Variants in FAM227A observed in about 807,000 individuals in gnomAD.
The protein encoded by FAM227A is family with sequence similarity 227 member A.
A neutral mutation model predicts 74.7 loss-of-function variants in FAM227A; 80 were observed. The ratio of observed to expected loss-of-function variants is 1.07; its 90% confidence interval spans 0.89 to 1.29. The LOEUF (loss-of-function observed/expected upper bound fraction) is 1.29. FAM227A is among the 50% of genes most tolerant of loss of function. The pLI is 0.00. For missense variants in FAM227A, 654 were observed against 683.4 expected, an observed-to-expected ratio of 0.96 and a Z score of 0.48; for synonymous variants, 237 against 241.8, an observed-to-expected ratio of 0.98 and a Z score of 0.19.
At chr22:38,641,979 A>G (rs2179143) in intron 3 of FAM227A, among the ~76,000 whole-genome samples, 61,105 of 143,334 alleles carry the variant, frequency 0.43, 12,647 homozygotes, top group African/African-American at 0.55. Flanking sequence ...GTGTGTGCGC[A>G]CGTGTGTGTG....
chr22:38,645,630 G>A lies in FAM227A; in HGVS notation c.158C>T (p.Ser53Phe), dbSNP rs1166573203. 17 of 1,550,858 alleles carry A rather than the reference G, an allele frequency of 1.1e-5. No homozygotes were observed. The highest frequency in any genetic ancestry group is 9.8e-5 in the Admixed American group (5 of 50,878). Residue 53 changes from serine (S) to phenylalanine (F), a missense_variant, in exon 3 of 17, where the codon TCC becomes TTC. By Grantham distance (155) the Ser-to-Phe change is radical (BLOSUM62 -2). Transcript: ENST00000535113. ...ENNPPSCLIG[S>F]MHQVNQKIAD... ...AATCTTTTGGTTCACCTGGTGCATG[G>A]AGCCAATAAGGCATGCTGGGAGGTT...
At chr22:38,629,291 G>A (rs2091870828) in intron 6 of FAM227A, among the ~76,000 whole-genome samples, 1 of 152,176 alleles carries the variant, frequency 6.6e-6, no homozygotes, top group Non-Finnish European at 1.5e-5. Context: ...ATAAACCACT[G>A]AACTATAAGA....
At chr22:38,645,513 G>A (rs1002700245) in intron 3 of FAM227A, 50 bp downstream of exon 3, 8 of 1,266,560 alleles carry the variant, frequency 6.3e-6, no homozygotes, top group Admixed American at 4.0e-5. Context: ...TGATCCCCGG[G>A]GCCCTTCCCT....
At chr22:38,625,304 G>C (rs759158232) in intron 9 of FAM227A, among the ~76,000 whole-genome samples, 51 of 151,444 alleles carry the variant, frequency 3.4e-4, no homozygotes, top group Admixed American at 2.1e-3. Context: ...CAGGAGAATG[G>C]CAAGAACCCG....
chr22:38,601,227 GGA>G (rs899706878), intron 13 of FAM227A, among the ~76,000 whole-genome samples: 35 of 152,222 alleles, frequency 2.3e-4, no homozygotes, highest in African/African-American at 8.2e-4. Context: ...GCCAGGGTAT[GGA>G]GAGTGGTAGG....
At chr22:38,618,594 C>T (rs191087477) in intron 11 of FAM227A, 15 of 152,302 alleles carry the variant, frequency 9.8e-5, no homozygotes, top group African/African-American at 3.4e-4. Context: ...TGCCTTTCTC[C>T]TGTTAAACTG....
chr22:38,603,744 T>A (rs1278916087), intron 13 of FAM227A, among the ~76,000 whole-genome samples: 1 of 152,014 alleles, frequency 6.6e-6, no homozygotes, highest in Admixed American at 6.6e-5. Context: ...ACAAACATAT[T>A]TGAGAGGGTA....
chr22:38,642,955 A>G (rs1006503570), intron 3 of FAM227A, among the ~76,000 whole-genome samples: 13 of 151,906 alleles, frequency 8.6e-5, no homozygotes, highest in African/African-American at 3.1e-4. Flanking sequence ...AAAACAAAAA[A>G]ACAACCCAAA....
At chr22:38,645,035 C>T (rs1046517343) in intron 3 of FAM227A, among the ~76,000 whole-genome samples, 5 of 146,886 alleles carry the variant, frequency 3.4e-5, no homozygotes, top group South Asian at 2.2e-4. Flanking sequence ...TGCAGTGAGC[C>T]AACATCGCAC....
At chr22:38,643,173 G>A (rs771226442) in intron 3 of FAM227A, among the ~76,000 whole-genome samples, 6 of 151,784 alleles carry the variant, frequency 4.0e-5, no homozygotes, top group African/African-American at 9.7e-5. Flanking sequence ...AAAATGAGAC[G>A]GGAGTGGTGG....
intron 11 of FAM227A, among the ~76,000 whole-genome samples, chr22:38,609,603 T>C (rs773507630): frequency 2.1e-4 from 32 of 152,148 alleles, no homozygotes; most frequent in Non-Finnish European, 4.1e-4. Flanking sequence ...AACCGTTTGC[T>C]TTTATAGAAA....
intron 1 of FAM227A, among the ~76,000 whole-genome samples, chr22:38,655,118 C>T (rs1312654696): frequency 4.1e-5 from 6 of 148,126 alleles, no homozygotes; most frequent in South Asian, 4.3e-4. Flanking sequence ...CCAGCCTGGG[C>T]GACAGAGCGA....
chr22:38,638,922 A>G (rs758436743), intron 4 of FAM227A, 100 bp from the exon 5 acceptor site: 64 of 707,258 alleles, frequency 9.0e-5, no homozygotes, highest in Non-Finnish European at 1.3e-4. Flanking sequence ...TTGAGCTGCC[A>G]GAGGACACTC....
At chr22:38,627,497 A>G (rs2091833404) in intron 8 of FAM227A, among the ~76,000 whole-genome samples, 1 of 151,716 alleles carries the variant, frequency 6.6e-6, no homozygotes, top group Non-Finnish European at 1.5e-5. Flanking sequence ...GAACCCAGGA[A>G]TTGGAAGTTG....
chr22:38,626,301 C>T lies in FAM227A; in HGVS notation c.729G>A (p.Arg243=). 1 of 1,551,004 alleles carries T rather than the reference C, an allele frequency of 6.4e-7. No individual in the cohort carries two copies. The highest frequency in any genetic ancestry group is 8.7e-7 in the Non-Finnish European group (1 of 1,146,642). ...CGGCTTTGCTGAGAAGTGATGGCAG[C>T]CTCTGCGGAGCAAGCCGAGCTCAGG... is the stretch of plus-strand genomic sequence containing the variant. ...KSHSEEALLK[R]LPSLLSKAVY... The change falls in exon 9 of 17, where the codon AGG becomes AGA. Residue 243 remains arginine (R), a splice_region_variant and synonymous_variant. Transcript: ENST00000535113.
intron 11 of FAM227A, among the ~76,000 whole-genome samples, chr22:38,616,666 CAAAA>C (rs1034004176): frequency 8.9e-6 from 1 of 111,992 alleles, no homozygotes; most frequent in Admixed American, 9.3e-5. Flanking sequence ...AACTCCATCT[CAAAA>C]AAAAAAAAAA....
chr22:38,643,981 A>T (rs2092171932), intron 3 of FAM227A, among the ~76,000 whole-genome samples: 1 of 151,884 alleles, frequency 6.6e-6, no homozygotes, highest in Non-Finnish European at 1.5e-5. Flanking sequence ...CCCCGTCTCT[A>T]CTAAAAATAC....
At chr22:38,627,424 C>T (rs917081245) in intron 8 of FAM227A, among the ~76,000 whole-genome samples, 3 of 151,386 alleles carry the variant, frequency 2.0e-5, no homozygotes, top group Admixed American at 6.6e-5. Context: ...AAAAATTAGC[C>T]GGGTGTGGTG....
intron 10 of FAM227A, among the ~76,000 whole-genome samples, chr22:38,622,627 G>A (rs922326281): frequency 6.6e-6 from 1 of 152,094 alleles, no homozygotes; most frequent in Non-Finnish European, 1.5e-5. Context: ...TGTAATCCCA[G>A]CACTTTGGGA....
Sources: allele counts gnomAD v4.1 joint callset (sites outside exome capture counted in the v4.1 genomes callset), GRCh38; gene constraint gnomAD v4.1.1; transcripts MANE v1.5; gene names NCBI Gene and HGNC (gene_info 2026-07-23, HGNC 2026-07-21).